The following CHRM3 variants were observed in gnomAD, a reference collection of about 807,000 sequenced individuals.
CHRM3 encodes the protein muscarinic acetylcholine receptor M3.
A neutral mutation model predicts 41.8 loss-of-function variants in CHRM3; 11 were observed. The observed-to-expected ratio is 0.26, with a 90% CI of 0.17 to 0.44. The LOEUF is 0.44. CHRM3 is among the 20% of genes least tolerant of loss of function. The pLI is 1.00. For synonymous variants in CHRM3, 297 were observed against 301.4 expected (o/e 0.99, Z 0.15); for missense variants, 571 against 745.4 (o/e 0.77, Z 2.72).
chr1:239,470,896 G>T (rs571470647), intron 1 of CHRM3, among the ~76,000 whole-genome samples: 1 of 152,172 alleles, frequency 6.6e-6, no homozygotes, highest in East Asian at 1.9e-4. Context: ...GTTTACAGAT[G>T]ACTTGGCTAA....
intron 3 of CHRM3, among the ~76,000 whole-genome samples, chr1:239,631,920 C>T (rs1669881212): frequency 6.6e-6 from 1 of 152,196 alleles, no homozygotes; most frequent in Non-Finnish European, 1.5e-5. Context: ...ATTCTTCTCA[C>T]TCTATCTCCC....
chr1:239,535,690 C>A (rs1201802250), intron 2 of CHRM3, among the ~76,000 whole-genome samples: 3 of 151,748 alleles, frequency 2.0e-5, no homozygotes, highest in Non-Finnish European at 4.4e-5. Context: ...ATATTTATTT[C>A]TGTTTGGGGA....
At chr1:239,715,740 A>G (rs1292263325) in intron 5 of CHRM3, among the ~76,000 whole-genome samples, 1 of 152,146 alleles carries the variant, frequency 6.6e-6, no homozygotes, top group Non-Finnish European at 1.5e-5. Context: ...GCAAAGAGTT[A>G]GGCTGGAATC....
intron 1 of CHRM3, among the ~76,000 whole-genome samples, chr1:239,418,798 T>G (rs1338136888): frequency 6.6e-6 from 1 of 152,154 alleles, no homozygotes; most frequent in Non-Finnish European, 1.5e-5. Context: ...AGGGAAACAG[T>G]GCCCAGGATA....
In CHRM3 at chr1:239,713,608, A is replaced by T. The variant is rs540545585; in HGVS notation, c.-147+35320A>T. ...TCACATTGATGAGAAGCATCCCTCT[A>T]TGTTGGGCTTAGTTATTCTATAGCT... On this transcript the variant is annotated intron_variant, in intron 5 of 6. Coordinates refer to ENST00000676153, the MANE Select transcript of CHRM3 (RefSeq NM_001375978.1). Among the ~76,000 whole-genome samples the T allele has an allele frequency of 2.6e-5, 4 of 152,258 alleles. No homozygotes were observed. The East Asian group carries it at 7.7e-4, about 29-fold the overall frequency.
At chr1:239,890,236 G>T (rs1167351623) in intron 6 of CHRM3, among the ~76,000 whole-genome samples, 1 of 152,092 alleles carries the variant, frequency 6.6e-6, no homozygotes, top group East Asian at 1.9e-4. Context: ...GGGAGGCCGA[G>T]GTTGCGGTGA....
At chr1:239,877,369 G>T (rs1361218507) in intron 6 of CHRM3, among the ~76,000 whole-genome samples, 1 of 151,884 alleles carries the variant, frequency 6.6e-6, no homozygotes, top group Non-Finnish European at 1.5e-5. Context: ...ATCACTTGAG[G>T]CCAGAAGTTC....
intron 1 of CHRM3, among the ~76,000 whole-genome samples, chr1:239,404,031 T>C (rs983158716): frequency 2.4e-5 from 3 of 123,838 alleles, no homozygotes; most frequent in African/African-American, 9.1e-5. Context: ...GCTCGGTGGC[T>C]CACGCCTGTA....
rs76164960 is a variant in CHRM3 at position 239,585,448 on chromosome 1, A to G, written c.-313+39699A>G. On this transcript the variant is annotated intron_variant, in intron 3 of 6. Coordinates refer to ENST00000676153, the MANE Select transcript of CHRM3 (RefSeq NM_001375978.1). ...ACTAAAGGAAGTGAAGATGTGATGCATGAATGGAGCAGAACATCCTGTACC... is the reference window on the plus strand; with the variant it reads ...ACTAAAGGAAGTGAAGATGTGATGCGTGAATGGAGCAGAACATCCTGTACC... 9.2e-3 allele frequency among the ~76,000 whole-genome samples: 1,404 copies of G among 152,278 alleles called. 20 individuals carry two copies. Among genetic ancestry groups the G allele is most frequent in the African/African-American group, 0.032 (1,349 of 41,542 alleles).
At chr1:239,840,554 G>A (rs1166663756) in intron 6 of CHRM3, among the ~76,000 whole-genome samples, 1 of 152,110 alleles carries the variant, frequency 6.6e-6, no homozygotes. Context: ...TGCCCTGGAG[G>A]AAAAAGCATA....
intron 3 of CHRM3, among the ~76,000 whole-genome samples, chr1:239,603,486 T>C (rs1435507146): frequency 6.6e-6 from 1 of 152,114 alleles, no homozygotes; most frequent in Non-Finnish European, 1.5e-5. Flanking sequence ...TGTTCTCACC[T>C]GGGGATGGTG....
At chr1:239,623,381 C>T (rs1454485231) in intron 3 of CHRM3, among the ~76,000 whole-genome samples, 3 of 150,590 alleles carry the variant, frequency 2.0e-5, no homozygotes, top group African/African-American at 4.9e-5. Flanking sequence ...TTTGTCCTTG[C>T]GATAGTTTGC....
Position 239,592,656 on chromosome 1 carries a change from G to A in CHRM3, c.-312-39568G>A, listed in dbSNP as rs374142140. On this transcript the variant is annotated intron_variant, in intron 3 of 6. Transcript: ENST00000676153. ...TCATTTTTTTATATCACCAAATAAT[G>A]TGATATACCACATTTCATTTGTGTG... is the stretch of plus-strand genomic sequence containing the variant. Among the ~76,000 whole-genome samples, 374 of 151,966 alleles carry A rather than the reference G, an allele frequency of 2.5e-3. 3 individuals carry two copies. The highest frequency in any genetic ancestry group is 6.8e-3 in the Middle Eastern group (2 of 294).
At chr1:239,570,218 A>T (rs565867674) in intron 3 of CHRM3, among the ~76,000 whole-genome samples, 11 of 152,218 alleles carry the variant, frequency 7.2e-5, no homozygotes, top group Non-Finnish European at 1.3e-4. Flanking sequence ...ATGGTTTTAT[A>T]AATGGCAGTT....
intron 1 of CHRM3, among the ~76,000 whole-genome samples, chr1:239,445,742 A>G (rs569049757): frequency 6.6e-6 from 1 of 152,308 alleles, no homozygotes; most frequent in East Asian, 1.9e-4. Flanking sequence ...ATTAGCTCTT[A>G]TTATTACTAT....
chr1:239,764,103 C>G (rs1572217834), intron 5 of CHRM3, among the ~76,000 whole-genome samples: 1 of 151,592 alleles, frequency 6.6e-6, no homozygotes, highest in Non-Finnish European at 1.5e-5. Context: ...AAAAAAAATC[C>G]TCAGGGGCTA....
intron 5 of CHRM3, among the ~76,000 whole-genome samples, chr1:239,805,914 T>C (rs909862002): frequency 1.3e-5 from 2 of 152,182 alleles, no homozygotes; most frequent in Non-Finnish European, 2.9e-5. Context: ...GCTTTCACGG[T>C]TTCTTCCTGG....
chr1:239,638,609 T>C (rs1045358520), intron 4 of CHRM3, among the ~76,000 whole-genome samples: 6 of 152,168 alleles, frequency 3.9e-5, no homozygotes, highest in Non-Finnish European at 7.4e-5. Flanking sequence ...TTGATGGGGT[T>C]GTTTGGTTTT....
Position 239,623,082 on chromosome 1 carries a change from G to T in CHRM3, c.-312-9142G>T, listed in dbSNP as rs140995395. Among the ~76,000 whole-genome samples, 394 of 152,048 alleles carry T rather than the reference G, an allele frequency of 2.6e-3. 1 individual carries two copies. The highest frequency in any genetic ancestry group is 8.9e-3 in the African/African-American group (370 of 41,454). ...AAAAAAAAATTATAACTCTATAAAG[G>T]CTCAGATGATTGTTAGTATTTTCTA... On this transcript the variant is annotated intron_variant, in intron 3 of 6. Coordinates refer to ENST00000676153, the MANE Select transcript of CHRM3 (RefSeq NM_001375978.1).
Sources: gnomAD v4.1 joint callset for allele counts (sites outside exome capture counted in the v4.1 genomes callset) on GRCh38, gnomAD v4.1.1 for gene constraint, MANE v1.5 for transcripts, NCBI Gene and HGNC (gene_info 2026-07-23, HGNC 2026-07-21) for gene names.